ANKS1B: variants seen among roughly 807,000 people sequenced by gnomAD.
The protein encoded by ANKS1B is ankyrin repeat and sterile alpha motif domain-containing protein 1B.
In ANKS1B, 36 loss-of-function variants were observed where a neutral mutation model predicts 148.3. The ratio of observed to expected loss-of-function variants is 0.24; its 90% CI spans 0.19 to 0.32. The LOEUF (loss-of-function observed/expected upper bound fraction) is 0.32, where lower values mean the gene tolerates loss of function less well. Ranked by LOEUF, ANKS1B falls within the 10% of genes least tolerant of loss-of-function variation. ANKS1B has a pLI of 1.00. For missense variants in ANKS1B, 1,157 were observed against 1,542.6 expected (o/e 0.75, Z 4.19); for synonymous variants, 542 against 560.8 (o/e 0.97, Z 0.47).
chr12:98,791,004 A>G (rs2098843716), intron 22 of ANKS1B, among the ~76,000 whole-genome samples: 1 of 152,204 alleles, frequency 6.6e-6, no homozygotes, highest in Non-Finnish European at 1.5e-5. Flanking sequence ...AATATGGAAT[A>G]AGATGGTTGG....
intron 25 of ANKS1B, among the ~76,000 whole-genome samples, chr12:98,760,525 C>T (rs2098381650): frequency 6.6e-6 from 1 of 152,178 alleles, no homozygotes. Context: ...AGGGTCTCTT[C>T]ATTCTCTGGC....
At chr12:99,346,304 T>G (rs1369274933) in intron 12 of ANKS1B, among the ~76,000 whole-genome samples, 1 of 151,242 alleles carries the variant, frequency 6.6e-6, no homozygotes, top group African/African-American at 2.4e-5. Context: ...ACAATTTAAC[T>G]CTTCCTTTTC....
At chr12:99,332,483 A>G (rs1233203802) in intron 12 of ANKS1B, among the ~76,000 whole-genome samples, 1 of 151,968 alleles carries the variant, frequency 6.6e-6, no homozygotes, top group Non-Finnish European at 1.5e-5. Context: ...CAGGGCTAGA[A>G]GGATAAATAT....
intron 10 of ANKS1B, among the ~76,000 whole-genome samples, chr12:99,494,732 CAAAA>C (rs59115173): frequency 7.1e-5 from 4 of 55,986 alleles, no homozygotes; most frequent in African/African-American, 1.6e-4. Flanking sequence ...CACTCTGTCT[CAAAA>C]AAAAAAAAAA....
chr12:99,714,963 A>G (rs2057111799), intron 8 of ANKS1B, among the ~76,000 whole-genome samples: 1 of 141,384 alleles, frequency 7.1e-6, no homozygotes, highest in Non-Finnish European at 1.5e-5. Context: ...TATTAAAAAT[A>G]CAAAAAAAAA....
chr12:99,430,054 AAAAAAAAAGATCTTTAG>A (rs1016236232), intron 11 of ANKS1B, among the ~76,000 whole-genome samples: 2 of 148,026 alleles, frequency 1.4e-5, no homozygotes, highest in Non-Finnish European at 3.0e-5. Flanking sequence ...TCCAGGAAAA[AAAAAAAAAGATCTTTAG>A]AAAAAAAAGA....
intron 9 of ANKS1B, among the ~76,000 whole-genome samples, chr12:99,571,491 C>T (rs1183481273): frequency 6.6e-6 from 1 of 151,752 alleles, no homozygotes; most frequent in Non-Finnish European, 1.5e-5. Flanking sequence ...ACTATTTTTG[C>T]CAATCCTCAA....
chr12:99,739,466 T>G (rs1325311698), intron 8 of ANKS1B, among the ~76,000 whole-genome samples: 1 of 152,088 alleles, frequency 6.6e-6, no homozygotes, highest in Non-Finnish European at 1.5e-5. Flanking sequence ...AGGGACTAAC[T>G]GTATAAGCTT....
chr12:99,755,120 G>C (rs2153599868), intron 8 of ANKS1B, among the ~76,000 whole-genome samples: 1 of 151,434 alleles, frequency 6.6e-6, no homozygotes, highest in Admixed American at 6.6e-5. Flanking sequence ...TAATAAAGAA[G>C]AAAAGAGGGA....
intron 3 of ANKS1B, 67 bp from the exon 4 acceptor site, chr12:99,806,767 G>A (rs2067673906): frequency 1.4e-6 from 2 of 1,452,194 alleles, no homozygotes; most frequent in Non-Finnish European, 1.9e-6. Context: ...TCTTAACACA[G>A]TAATTTAAAA....
chr12:99,549,998 G>C, intron 9 of ANKS1B, among the ~76,000 whole-genome samples: 2 of 152,294 alleles, frequency 1.3e-5, no homozygotes, highest in South Asian at 4.1e-4. Context: ...AAATGGCAGC[G>C]GGCTCCAGCG....
chr12:99,376,482 G>A (rs1170918445), intron 12 of ANKS1B, among the ~76,000 whole-genome samples: 4 of 152,148 alleles, frequency 2.6e-5, no homozygotes, highest in Non-Finnish European at 4.4e-5. Flanking sequence ...GAGACAAAAA[G>A]CTCAAATGCT....
chr12:99,648,773 T>G (rs1347863239), intron 9 of ANKS1B: 32 of 1,611,230 alleles, frequency 2.0e-5, no homozygotes, highest in Non-Finnish European at 2.5e-5. Context: ...TTGGAGGAAG[T>G]GCAGAGGAGC....
chr12:99,979,361 A>G (rs2095665848), intron 1 of ANKS1B, among the ~76,000 whole-genome samples: 2 of 152,294 alleles, frequency 1.3e-5, no homozygotes, highest in South Asian at 4.1e-4. Context: ...GTTCTGGCAG[A>G]GTAAAAGGAA....
intron 1 of ANKS1B, among the ~76,000 whole-genome samples, chr12:99,826,314 G>T (rs2083184220): frequency 6.6e-6 from 1 of 152,116 alleles, no homozygotes; most frequent in Non-Finnish European, 1.5e-5. Context: ...TTACAAAGTG[G>T]TAAGATAATC....
chr12:98,775,772 C>T (rs561716787), intron 24 of ANKS1B, among the ~76,000 whole-genome samples: 1 of 152,100 alleles, frequency 6.6e-6, no homozygotes, highest in African/African-American at 2.4e-5. Context: ...GTTCTCTATT[C>T]CCCAGGAGCC....
chr12:99,014,386 A>G (rs1033932377), intron 17 of ANKS1B, among the ~76,000 whole-genome samples: 1 of 152,234 alleles, frequency 6.6e-6, no homozygotes, highest in African/African-American at 2.4e-5. Flanking sequence ...GATGAATTAA[A>G]TACTTAAATG....
intron 15 of ANKS1B, among the ~76,000 whole-genome samples, chr12:99,151,302 C>T (rs928121681): frequency 1.3e-5 from 2 of 151,866 alleles, no homozygotes; most frequent in South Asian, 2.1e-4. Context: ...CCAAGGCAGG[C>T]GGATCATTTA....
chr12:99,286,646 G>A (rs1324037895), intron 12 of ANKS1B, among the ~76,000 whole-genome samples: 1 of 152,096 alleles, frequency 6.6e-6, no homozygotes, highest in Non-Finnish European at 1.5e-5. Context: ...TGGCATTTCT[G>A]GATCCATCCT....
Sources: gnomAD v4.1 joint callset for allele counts (sites outside exome capture counted in the v4.1 genomes callset) on GRCh38, gnomAD v4.1.1 for gene constraint, MANE v1.5 for transcripts, NCBI Gene and HGNC (gene_info 2026-07-23, HGNC 2026-07-21) for gene names.